LHFPL3: variants seen among roughly 807,000 people sequenced by gnomAD.
LHFPL3 encodes LHFPL tetraspan subfamily member 3 protein.
LHFPL3 carries 5 observed loss-of-function variants against 19.3 expected under a neutral mutation model. The ratio of observed to expected loss-of-function variants is 0.26; its 90% CI spans 0.14 to 0.54. LHFPL3 has a LOEUF of 0.54. Among genes scored for constraint, LHFPL3 ranks in the 20% least tolerant of loss-of-function variants. The pLI, the probability that LHFPL3 is intolerant of heterozygous loss-of-function variation, is 0.94. For synonymous variants in LHFPL3, 133 were observed against 126.2 expected, an observed-to-expected ratio of 1.05 and a Z score of -0.36; for missense variants, 249 against 307.4, an observed-to-expected ratio of 0.81 and a Z score of 1.42.
intron 2 of LHFPL3, among the ~76,000 whole-genome samples, chr7:104,763,921 G>T (rs959690940): frequency 2.0e-5 from 3 of 152,172 alleles, no homozygotes; most frequent in Non-Finnish European, 2.9e-5. Context: ...AATCCAGAAG[G>T]AAATTTCCAA....
Position 104,328,981 on chromosome 7 carries a change from C to A in LHFPL3, c.202C>A (p.Pro68Thr). 1 of 1,614,210 alleles carries A rather than the reference C, an allele frequency of 6.2e-7. No individual in the cohort carries two copies. The highest frequency in any genetic ancestry group is 8.5e-7 in the Non-Finnish European group (1 of 1,180,026). The stretch of plus-strand genomic sequence containing the variant: ...CTGGATAGGCGACGGCGTGGACACC[C>A]CGCAAGCCGGCTATTTCGGGCTCTT... ...PYWIGDGVDT[P>T]QAGYFGLFHY... Residue 68 changes from proline (P) to threonine (T), a missense_variant, in exon 1 of 3, where the codon CCG becomes ACG. Pro to Thr is a conservative substitution (Grantham distance 38). Coordinates refer to ENST00000424859, the MANE Select transcript of LHFPL3 (RefSeq NM_199000.3). This position sits in a 1 kb window ranked among gnomAD's most constrained non-coding sequence, Gnocchi z 4.6.
At chr7:104,867,290 C>G (rs1412719015) in intron 2 of LHFPL3, among the ~76,000 whole-genome samples, 5 of 152,080 alleles carry the variant, frequency 3.3e-5, no homozygotes, top group Admixed American at 1.3e-4. Context: ...AATCCAGGAG[C>G]TGGTTTTTTG....
At chr7:104,522,114 A>G (rs13234836) in intron 1 of LHFPL3, among the ~76,000 whole-genome samples, 19,762 of 152,016 alleles carry the variant, frequency 0.13, 1,440 homozygotes, top group South Asian at 0.17. Context: ...ATTATTCACA[A>G]TAGCAAAGAC....
chr7:104,394,028 G>A (rs958370876), intron 1 of LHFPL3, among the ~76,000 whole-genome samples: 2 of 152,108 alleles, frequency 1.3e-5, no homozygotes, highest in Non-Finnish European at 2.9e-5. Context: ...TAGTAGCAAT[G>A]GCTATACAAC....
chr7:104,831,408 AG>A (rs1790951543), intron 2 of LHFPL3, among the ~76,000 whole-genome samples: 1 of 151,956 alleles, frequency 6.6e-6, no homozygotes, highest in Non-Finnish European at 1.5e-5. Context: ...TTGAACGAAA[AG>A]TTAAAAAGTT....
intron 1 of LHFPL3, among the ~76,000 whole-genome samples, chr7:104,424,298 G>A (rs747375278): frequency 6.6e-6 from 1 of 152,212 alleles, no homozygotes; most frequent in Non-Finnish European, 1.5e-5. Context: ...AGGTACTTTT[G>A]TTGGGGAATC....
chr7:104,652,787 T>C (rs987487555), intron 1 of LHFPL3, among the ~76,000 whole-genome samples: 4 of 152,246 alleles, frequency 2.6e-5, no homozygotes, highest in African/African-American at 9.6e-5. Context: ...ACTACTATAG[T>C]AGGGAAGAGC....
intron 2 of LHFPL3, among the ~76,000 whole-genome samples, chr7:104,782,626 C>T (rs1228813518): frequency 6.6e-6 from 1 of 152,206 alleles, no homozygotes; most frequent in African/African-American, 2.4e-5. Flanking sequence ...CCAGAACAAC[C>T]TTTCTGTAAT....
chr7:104,693,010 T>C (rs1192041240), intron 1 of LHFPL3, among the ~76,000 whole-genome samples: 6 of 152,152 alleles, frequency 3.9e-5, no homozygotes, highest in Non-Finnish European at 8.8e-5. Context: ...AGCCACGAGG[T>C]TGGAGCTGCC....
chr7:104,424,550 A>C (rs1253711927), intron 1 of LHFPL3, among the ~76,000 whole-genome samples: 1 of 152,204 alleles, frequency 6.6e-6, no homozygotes, highest in East Asian at 1.9e-4. Flanking sequence ...ATAAATCCAT[A>C]TACTGCTTAA....
intron 1 of LHFPL3, among the ~76,000 whole-genome samples, chr7:104,361,802 TGA>T (rs1436877606): frequency 1.3e-5 from 2 of 152,218 alleles, no homozygotes; most frequent in South Asian, 2.1e-4. Flanking sequence ...CTTGGAGTAA[TGA>T]GAGAGACCAC....
chr7:104,615,275 T>C (rs1476775367), intron 1 of LHFPL3, among the ~76,000 whole-genome samples: 1 of 152,240 alleles, frequency 6.6e-6, no homozygotes, highest in East Asian at 1.9e-4. Flanking sequence ...TAAAAAGTTA[T>C]TTAAAACATT....
At chr7:104,784,237 C>T (rs1317870057) in intron 2 of LHFPL3, among the ~76,000 whole-genome samples, 1 of 152,122 alleles carries the variant, frequency 6.6e-6, no homozygotes, top group Non-Finnish European at 1.5e-5. Context: ...TACTTGGGAA[C>T]TTGGGGAAAT....
At chr7:104,729,497 C>A (rs1793651299) in intron 1 of LHFPL3, among the ~76,000 whole-genome samples, 1 of 152,014 alleles carries the variant, frequency 6.6e-6, no homozygotes, top group Non-Finnish European at 1.5e-5. Flanking sequence ...AACTTTGTAC[C>A]TGTTGACCAG....
Position 104,531,088 on chromosome 7 carries a change from C to G in LHFPL3, c.445+201864C>G, listed in dbSNP as rs866932830. On this transcript the variant is annotated intron_variant, in intron 1 of 2. Coordinates refer to ENST00000424859, the MANE Select transcript of LHFPL3 (RefSeq NM_199000.3). The stretch of plus-strand genomic sequence containing the variant: ...TCCGTTGCAAAGGCTAAGTCAGCAT[C>G]AAAGGATGCTCACTTAACATTTGCT... Among the ~76,000 whole-genome samples the G allele has an allele frequency of 3.3e-5, 5 of 152,328 alleles. No homozygotes were observed. The Middle Eastern group carries it at 0.014, about 414-fold the overall frequency.
rs184611673 is a variant in LHFPL3 at position 104,446,656 on chromosome 7, A to C, written c.445+117432A>C. 5.2e-3 allele frequency among the ~76,000 whole-genome samples: 788 copies of C among 152,164 alleles called. 23 individuals are homozygous for C. Among genetic ancestry groups the C allele is most frequent in the Admixed American group, 0.047 (720 of 15,270 alleles). Reference sequence around the variant, plus strand: ...AGTGGCATGACCTTGGCTCACTGCAACCTCTACCTCCGGGGTTCAAGTGAT... The same window carrying C: ...AGTGGCATGACCTTGGCTCACTGCACCCTCTACCTCCGGGGTTCAAGTGAT... On this transcript the variant is annotated intron_variant, in intron 1 of 2. Coordinates refer to ENST00000424859, the MANE Select transcript of LHFPL3 (RefSeq NM_199000.3).
chr7:104,649,341 T>G (rs571184459), intron 1 of LHFPL3, among the ~76,000 whole-genome samples: 15 of 152,270 alleles, frequency 9.9e-5, no homozygotes, highest in Admixed American at 9.8e-4. Context: ...AATCATGCGG[T>G]CCCACCAGAG....
intron 2 of LHFPL3, among the ~76,000 whole-genome samples, chr7:104,865,462 A>T (rs909604526): frequency 1.1e-4 from 17 of 152,232 alleles, no homozygotes; most frequent in African/African-American, 4.1e-4. Context: ...ATCAACTGGA[A>T]GAAAGGGTAT....
intron 1 of LHFPL3, among the ~76,000 whole-genome samples, chr7:104,588,462 T>C (rs1222581748): frequency 5.3e-5 from 8 of 152,224 alleles, no homozygotes; most frequent in South Asian, 2.1e-4. Context: ...TTCTGTTCTG[T>C]TCCATTGATC....
Sources: allele counts gnomAD v4.1 joint callset (sites outside exome capture counted in the v4.1 genomes callset), GRCh38; gene constraint gnomAD v4.1.1; non-coding constraint Gnocchi (gnomAD v3.1); transcripts MANE v1.5; gene names NCBI Gene and HGNC (gene_info 2026-07-23, HGNC 2026-07-21).